Variants in FBXL13 observed in about 807,000 individuals in gnomAD.
FBXL13 encodes F-box and leucine-rich repeat protein 13.
In FBXL13, 67 loss-of-function variants were observed where a neutral mutation model predicts 83.6. The observed-to-expected ratio is 0.80, with a 90% confidence interval of 0.66 to 0.98. The LOEUF (loss-of-function observed/expected upper bound fraction) is 0.98, where lower values mean the gene tolerates loss of function less well. FBXL13 is among the 50% of genes least tolerant of loss of function. The pLI, the probability that FBXL13 is intolerant of heterozygous loss-of-function variation, is 0.00. For synonymous variants in FBXL13, 272 were observed against 299.5 expected (o/e 0.91, Z 0.95); for missense variants, 822 against 866.5 (o/e 0.95, Z 0.64).
At chr7:102,868,196 C>CAATAAT (rs1808025104) in intron 16 of FBXL13, among the ~76,000 whole-genome samples, 1 of 152,080 alleles carries the variant, frequency 6.6e-6, no homozygotes, top group South Asian at 2.1e-4. Flanking sequence ...TTGAAATATA[C>CAATAAT]AATAATACAT....
chr7:103,020,189 T>G (rs192436827), intron 6 of FBXL13, among the ~76,000 whole-genome samples: 4 of 152,304 alleles, frequency 2.6e-5, no homozygotes, highest in African/African-American at 9.6e-5. Context: ...TCAATAAACA[T>G]AGTCCAGCAT....
chr7:102,899,875 G>T (rs1329940281), intron 11 of FBXL13, among the ~76,000 whole-genome samples: 1 of 151,808 alleles, frequency 6.6e-6, no homozygotes, highest in Non-Finnish European at 1.5e-5. Context: ...TTCGAGACTG[G>T]CCTGGCCAAT....
intron 6 of FBXL13, among the ~76,000 whole-genome samples, chr7:103,004,327 C>T (rs534146398): frequency 2.0e-5 from 3 of 152,258 alleles, no homozygotes; most frequent in African/African-American, 7.2e-5. Context: ...CAGAGTGTTG[C>T]CCATCATAGG....
intron 8 of FBXL13, among the ~76,000 whole-genome samples, chr7:102,935,909 G>T (rs923433566): frequency 1.3e-5 from 2 of 152,128 alleles, no homozygotes; most frequent in Non-Finnish European, 2.9e-5. Flanking sequence ...CAGAGAGGAG[G>T]CCGTGGCTCC....
intron 6 of FBXL13, among the ~76,000 whole-genome samples, chr7:102,980,357 A>T (rs969122641): frequency 6.6e-6 from 1 of 150,680 alleles, no homozygotes; most frequent in South Asian, 2.1e-4. Flanking sequence ...CAATGGGGGG[A>T]AAAAAGTCTT....
chr7:102,989,352 C>G (rs945035228), intron 6 of FBXL13, among the ~76,000 whole-genome samples: 8 of 152,214 alleles, frequency 5.3e-5, no homozygotes, highest in Non-Finnish European at 1.0e-4. Flanking sequence ...AGTCAACAGA[C>G]TCTCCAGCAC....
At chr7:103,055,241 A>C in intron 2 of FBXL13, 63 bp from the exon 3 acceptor site, 7 of 883,698 alleles carry the variant, frequency 7.9e-6, no homozygotes, top group Non-Finnish European at 1.1e-5. Context: ...TCCGTAATTA[A>C]ATCAGTGATT....
At chr7:102,877,506 C>T (rs371633520) in exon 16 of FBXL13, 22 of 1,609,580 alleles carry the variant, frequency 1.4e-5, no homozygotes, top group African/African-American at 2.7e-5. Flanking sequence ...CTATTGATAC[C>T]AAGGAAAAGA....
chr7:102,938,284 A>G (rs1300999525), intron 8 of FBXL13, among the ~76,000 whole-genome samples: 1 of 152,196 alleles, frequency 6.6e-6, no homozygotes, highest in Non-Finnish European at 1.5e-5. Context: ...TACGCAGGTA[A>G]ATTACCCTTA....
At chr7:102,922,482 A>T (rs1268954187) in intron 10 of FBXL13, among the ~76,000 whole-genome samples, 2 of 152,190 alleles carry the variant, frequency 1.3e-5, no homozygotes, top group East Asian at 3.8e-4. Context: ...ATATAAATGT[A>T]TGTGCATTTA....
chr7:102,991,407 T>C (rs1180771251), intron 6 of FBXL13, among the ~76,000 whole-genome samples: 1 of 152,182 alleles, frequency 6.6e-6, no homozygotes, highest in African/African-American at 2.4e-5. Context: ...AAAGCAGTTT[T>C]TGAGTGTCAC....
chr7:103,016,056 A>G (rs1792269921), intron 6 of FBXL13, among the ~76,000 whole-genome samples: 1 of 152,216 alleles, frequency 6.6e-6, no homozygotes, highest in Admixed American at 6.5e-5. Context: ...GGATAGGAAG[A>G]ATCAATATTG....
intron 6 of FBXL13, among the ~76,000 whole-genome samples, chr7:102,984,344 A>G (rs1160284326): frequency 1.3e-5 from 2 of 152,176 alleles, no homozygotes; most frequent in East Asian, 3.8e-4. Context: ...ATATATAACT[A>G]TCTACCTATC....
intron 1 of FBXL13, among the ~76,000 whole-genome samples, chr7:103,071,751 G>A (rs1365857286): frequency 2.0e-5 from 3 of 151,946 alleles, no homozygotes; most frequent in Admixed American, 1.3e-4. Context: ...TGATATTGTA[G>A]GTAGAAAATC....
chr7:103,056,884 G>A (rs1345595640), intron 1 of FBXL13, among the ~76,000 whole-genome samples: 1 of 151,886 alleles, frequency 6.6e-6, no homozygotes, highest in African/African-American at 2.4e-5. Context: ...TCACATTGTG[G>A]TTTTGATTTG....
intron 11 of FBXL13, among the ~76,000 whole-genome samples, chr7:102,907,482 C>CA (rs944655551): frequency 6.6e-6 from 1 of 151,724 alleles, no homozygotes; most frequent in Non-Finnish European, 1.5e-5. Context: ...CCCGCCCCCC[C>CA]ACAACAGGCC....
intron 9 of FBXL13, among the ~76,000 whole-genome samples, chr7:102,928,796 C>G (rs2129472504): frequency 1.3e-5 from 2 of 152,288 alleles, no homozygotes; most frequent in Middle Eastern, 3.4e-3. Flanking sequence ...TAATGACAGG[C>G]AGACATCTGG....
chr7:103,039,000 A>G (rs1056374558), intron 2 of FBXL13, among the ~76,000 whole-genome samples: 4 of 152,202 alleles, frequency 2.6e-5, no homozygotes, highest in Admixed American at 2.6e-4. Flanking sequence ...AGGCTTCAGA[A>G]GGTGGGTAAT....
intron 17 of FBXL13, among the ~76,000 whole-genome samples, chr7:102,836,929 A>C (rs960348653): frequency 6.6e-6 from 1 of 152,238 alleles, no homozygotes; most frequent in Non-Finnish European, 1.5e-5. Context: ...ATTAGGTCCC[A>C]ATTAATTCTA....
Sources: gnomAD v4.1 joint callset for allele counts (sites outside exome capture counted in the v4.1 genomes callset) on GRCh38, gnomAD v4.1.1 for gene constraint, MANE v1.5 for transcripts, NCBI Gene and HGNC (gene_info 2026-07-23, HGNC 2026-07-21) for gene names.